The following KCNMA1 variants were observed in gnomAD, a reference collection of about 807,000 sequenced individuals.
KCNMA1 encodes Calcium-activated potassium channel subunit alpha-1.
In KCNMA1, 29 loss-of-function variants were observed where a neutral mutation model predicts 140.0. That is an observed-to-expected ratio of 0.21 (90% CI 0.15 to 0.28). The LOEUF (loss-of-function observed/expected upper bound fraction) is 0.28. Among genes scored for constraint, KCNMA1 ranks in the 10% least tolerant of loss-of-function variants. The pLI is 1.00. For synonymous variants in KCNMA1, 612 were observed against 611.9 expected (o/e 1.00, Z 0.00); for missense variants, 880 against 1,602.2 (o/e 0.55, Z 7.70).
At position 77,027,879 on chromosome 10, in the gene KCNMA1, C is replaced by T; in HGVS notation, c.1872G>A (p.Val624=). The T allele has an allele frequency of 6.2e-7, 1 of 1,613,724 alleles. No homozygotes were observed. Among genetic ancestry groups the T allele is most frequent in the Non-Finnish European group, 8.5e-7 (1 of 1,179,844 alleles). Residue 624 remains valine (V), a synonymous_variant, in exon 16 of 28, where the codon GTG becomes GTA. Transcript: ENST00000286628. The part of the protein sequence containing the change: ...SFPTVCELCF[V]KLKLLMIAIE... ...TGGCTATCATTAGGAGCTTGAGCTT[C>T]ACAAAACACAGCCTGCAATGAGATG...
chr10:76,900,271 T>C (rs139531308), intron 25 of KCNMA1, among the ~76,000 whole-genome samples: 489 of 152,128 alleles, frequency 3.2e-3, no homozygotes, highest in African/African-American at 0.011. Context: ...TGATATCCTG[T>C]TTATTATTAT....
intron 1 of KCNMA1, among the ~76,000 whole-genome samples, chr10:77,432,465 G>C (rs2097174239): frequency 6.6e-6 from 1 of 152,202 alleles, no homozygotes. Flanking sequence ...TTCAGAAGCA[G>C]AAGCCTGAAG....
At chr10:77,000,206 G>A (rs965929369) in intron 19 of KCNMA1, among the ~76,000 whole-genome samples, 5 of 152,198 alleles carry the variant, frequency 3.3e-5, no homozygotes, top group African/African-American at 1.2e-4. Context: ...AGCAATATAT[G>A]TGTTGGCTGC....
At chr10:77,385,554 G>C (rs183324820) in intron 2 of KCNMA1, among the ~76,000 whole-genome samples, 33 of 152,250 alleles carry the variant, frequency 2.2e-4, no homozygotes, top group African/African-American at 7.5e-4. Context: ...TCTATAGCCT[G>C]TGCTCTTAAC....
chr10:77,319,893 A>G (rs1333701486), intron 2 of KCNMA1, among the ~76,000 whole-genome samples: 1 of 152,350 alleles, frequency 6.6e-6, no homozygotes, highest in East Asian at 1.9e-4. Flanking sequence ...TGAGCAAGAA[A>G]TAAACCTTTC....
At chr10:76,959,066 C>T (rs903730143) in intron 20 of KCNMA1, among the ~76,000 whole-genome samples, 6 of 152,108 alleles carry the variant, frequency 3.9e-5, no homozygotes, top group African/African-American at 1.2e-4. Context: ...TAAAGGTTTT[C>T]GGCCAATATC....
intron 2 of KCNMA1, among the ~76,000 whole-genome samples, chr10:77,347,680 G>T (rs558900722): frequency 1.3e-5 from 2 of 152,184 alleles, no homozygotes; most frequent in Non-Finnish European, 2.9e-5. Context: ...TAAAACAATA[G>T]GGCTTTGTGA....
intron 23 of KCNMA1, among the ~76,000 whole-genome samples, chr10:76,920,825 G>A (rs1435892074): frequency 6.6e-6 from 1 of 152,186 alleles, no homozygotes; most frequent in Non-Finnish European, 1.5e-5. Flanking sequence ...TGAGGCCTGA[G>A]CCAGTCTTAC....
chr10:76,951,399 T>G (rs1376372847), intron 21 of KCNMA1, among the ~76,000 whole-genome samples: 1 of 152,168 alleles, frequency 6.6e-6, no homozygotes, highest in Non-Finnish European at 1.5e-5. Flanking sequence ...AAGCACAACC[T>G]ATGTGTGTAT....
intron 1 of KCNMA1, among the ~76,000 whole-genome samples, chr10:77,597,554 A>G (rs2154565809): frequency 6.6e-6 from 1 of 152,332 alleles, no homozygotes; most frequent in African/African-American, 2.4e-5. Flanking sequence ...GAGGCAGGGG[A>G]CAAGAATGTA....
At chr10:76,935,977 T>C (rs1180335048) in intron 23 of KCNMA1, among the ~76,000 whole-genome samples, 1 of 152,250 alleles carries the variant, frequency 6.6e-6, no homozygotes, top group Non-Finnish European at 1.5e-5. Flanking sequence ...TTATTATAGC[T>C]GCTGCTGTTG....
At chr10:77,010,446 G>C (rs2090428444) in intron 18 of KCNMA1, among the ~76,000 whole-genome samples, 3 of 152,014 alleles carry the variant, frequency 2.0e-5, no homozygotes, top group Admixed American at 6.6e-5. Flanking sequence ...TCGGTAGGTT[G>C]TCAGAATCGG....
chr10:77,589,799 G>C (rs2078447110), intron 1 of KCNMA1, among the ~76,000 whole-genome samples: 3 of 152,138 alleles, frequency 2.0e-5, no homozygotes, highest in Admixed American at 2.0e-4. Flanking sequence ...CCCAAAGAGT[G>C]AGCAGCAGCA....
At chr10:77,589,646 G>T (rs931992665) in intron 1 of KCNMA1, among the ~76,000 whole-genome samples, 1 of 152,076 alleles carries the variant, frequency 6.6e-6, no homozygotes, top group Non-Finnish European at 1.5e-5. Context: ...CAGCTCTTAA[G>T]GTGGCGCGTC....
At chr10:77,637,089 G>A (rs1397409069) in intron 1 of KCNMA1, 176 bp downstream of exon 1, 2 of 1,313,232 alleles carry the variant, frequency 1.5e-6, no homozygotes, top group Non-Finnish European at 1.0e-6. Flanking sequence ...CCGGCGCGCC[G>A]CCCGCTGCCC....
intron 1 of KCNMA1, among the ~76,000 whole-genome samples, chr10:77,458,551 A>C (rs1318008323): frequency 6.6e-6 from 1 of 152,260 alleles, no homozygotes; most frequent in African/African-American, 2.4e-5. Flanking sequence ...GTGCAAATTT[A>C]ATCATTTGAA....
chr10:77,101,850 A>T (rs771652821), intron 9 of KCNMA1, among the ~76,000 whole-genome samples: 1 of 152,240 alleles, frequency 6.6e-6, no homozygotes, highest in Non-Finnish European at 1.5e-5. Context: ...AGGCCTGTGG[A>T]TCGGCCCAAG....
chr10:77,520,886 C>A (rs978173482), intron 1 of KCNMA1, among the ~76,000 whole-genome samples: 34 of 152,126 alleles, frequency 2.2e-4, no homozygotes, highest in African/African-American at 7.5e-4. Context: ...CAGATGAAGC[C>A]CCACTTTGGT....
intron 2 of KCNMA1, among the ~76,000 whole-genome samples, chr10:77,384,915 G>A (rs932113262): frequency 6.6e-6 from 1 of 152,272 alleles, no homozygotes; most frequent in Non-Finnish European, 1.5e-5. Context: ...AAAACAGCCT[G>A]GGTCATCGAG....
Sources: allele counts gnomAD v4.1 joint callset (sites outside exome capture counted in the v4.1 genomes callset), GRCh38; gene constraint gnomAD v4.1.1; transcripts MANE v1.5; gene names NCBI Gene and HGNC (gene_info 2026-07-23, HGNC 2026-07-21).